The following PRH1 variants were observed in gnomAD, a reference collection of about 807,000 sequenced individuals.
PRH1 encodes the protein salivary acidic proline-rich phosphoprotein 1/2.
A neutral mutation model predicts 7.9 loss-of-function variants in PRH1; 7 were observed. That is an observed-to-expected ratio of 0.89 (90% confidence interval 0.50 to 1.67). The LOEUF (loss-of-function observed/expected upper bound fraction) is 1.67. Among genes scored for constraint, PRH1 ranks in the 40% most tolerant of loss-of-function variants. The pLI, the probability that PRH1 is intolerant of heterozygous loss-of-function variation, is 0.00. For missense variants in PRH1, 109 were observed against 223.6 expected (o/e 0.49, Z 3.27); for synonymous variants, 45 against 80.8 (o/e 0.56, Z 2.38).
At chr12:10,904,923 G>C (rs1359129849) in intron 2 of PRH1, among the ~76,000 whole-genome samples, 1 of 151,800 alleles carries the variant, frequency 6.6e-6, no homozygotes, top group Non-Finnish European at 1.5e-5. Context: ...TATTTTAAAA[G>C]GCTCAACATC....
At chr12:10,976,188 C>G (rs1445582105) in intron 1 of PRH1, among the ~76,000 whole-genome samples, 1 of 152,102 alleles carries the variant, frequency 6.6e-6, no homozygotes, top group African/African-American at 2.4e-5. Context: ...CAATTCCTAG[C>G]AAATACAAAA....
chr12:10,888,626 T>C (rs552816751), upstream of PRH1, among the ~76,000 whole-genome samples: 7 of 152,360 alleles, frequency 4.6e-5, no homozygotes, highest in South Asian at 1.4e-3. Flanking sequence ...GTTTTTTATT[T>C]ATACTACTTT....
At chr12:11,125,436 G>A (rs186708094) in intron 1 of PRH1, among the ~76,000 whole-genome samples, 22 of 152,382 alleles carry the variant, frequency 1.4e-4, no homozygotes, top group African/African-American at 4.6e-4. Flanking sequence ...TCTCTCTACT[G>A]CTTATTTACA....
intron 1 of PRH1, among the ~76,000 whole-genome samples, chr12:11,168,026 T>A (rs1251678341): frequency 6.6e-6 from 1 of 151,826 alleles, no homozygotes; most frequent in Non-Finnish European, 1.5e-5. Context: ...TAGATCTTAA[T>A]AATCTGACAA....
chr12:11,087,416 C>G (rs1339489859), intron 1 of PRH1, among the ~76,000 whole-genome samples: 1 of 116,714 alleles, frequency 8.6e-6, no homozygotes, highest in Non-Finnish European at 2.0e-5. Flanking sequence ...TTCTGAAGGT[C>G]AGATGCTACC....
chr12:10,888,295 T>C (rs1289670077), upstream of PRH1, among the ~76,000 whole-genome samples: 5 of 152,216 alleles, frequency 3.3e-5, no homozygotes, highest in African/African-American at 4.8e-5. Flanking sequence ...TGTAAGTTAA[T>C]ATATTCACTT....
intron 2 of PRH1, 83 bp downstream of exon 2, chr12:10,882,978 G>C: frequency 6.5e-7 from 1 of 1,538,176 alleles, no homozygotes; most frequent in Non-Finnish European, 9.0e-7. Flanking sequence ...ACAAGAAAAT[G>C]GTGATAAGAA....
chr12:11,001,241 G>C (rs1442161927), intron 1 of PRH1, among the ~76,000 whole-genome samples: 1 of 151,862 alleles, frequency 6.6e-6, no homozygotes, highest in East Asian at 1.9e-4. Flanking sequence ...GAGCTGTGCT[G>C]GATCTCAAGA....
chr12:11,073,109 C>A (rs1329314557), intron 1 of PRH1, among the ~76,000 whole-genome samples: 4 of 54,660 alleles, frequency 7.3e-5, no homozygotes, highest in African/African-American at 1.9e-4. Context: ...TCCTGGTCTA[C>A]ATGTCGAAAA....
chr12:10,898,462 T>C (rs546708907), intron 2 of PRH1, among the ~76,000 whole-genome samples: 7 of 152,296 alleles, frequency 4.6e-5, no homozygotes, highest in African/African-American at 1.2e-4. Flanking sequence ...AAATATTATA[T>C]GCTGAAAAAG....
upstream of PRH1, chr12:11,049,006 CA>C (rs1346714829): frequency 8.2e-6 from 2 of 244,498 alleles, no homozygotes; most frequent in Non-Finnish European, 1.7e-5. Flanking sequence ...ACATTAGAAC[CA>C]AAAATTCTTA....
At chr12:10,997,610 G>T in intron 1 of PRH1, 1 of 1,613,980 alleles carries the variant, frequency 6.2e-7, no homozygotes, top group Non-Finnish European at 8.5e-7. Flanking sequence ...ATTGGTTACT[G>T]CCCAGGCATT....
chr12:11,088,898 C>G lies in PRH1; in HGVS notation n.124-41710G>C, dbSNP rs1277860331. Among the ~76,000 whole-genome samples, 2 of 115,000 alleles carry G rather than the reference C, an allele frequency of 1.7e-5. 1 individual carries two copies. The highest frequency in any genetic ancestry group is 1.7e-4 in the Admixed American group (2 of 11,504). 75.4% of individuals were successfully genotyped at this position (115,000 alleles called of 152,430 possible). A position where few individuals can be genotyped will look rare whatever the true frequency, so the allele number is the denominator to read the frequency against. ...AGAGCAAATCCCTATGGAATTAGTG[C>G]AAGAACATTCCCTCTTCAGCAGAGG... On this transcript the variant is annotated intron_variant and non_coding_transcript_variant, in intron 1 of 4. Coordinates refer to the PRH1 transcript ENST00000541977.
At chr12:10,999,853 G>A (rs553656417) in intron 1 of PRH1, among the ~76,000 whole-genome samples, 47 of 152,118 alleles carry the variant, frequency 3.1e-4, no homozygotes, top group Admixed American at 9.8e-4. Context: ...TCTTGCACTA[G>A]ATATCATGTT....
At chr12:11,168,984 C>T (rs995403773) in intron 1 of PRH1, among the ~76,000 whole-genome samples, 4 of 152,170 alleles carry the variant, frequency 2.6e-5, no homozygotes, top group East Asian at 1.9e-4. Context: ...AGGAAACGTA[C>T]TTTTTTTCTA....
chr12:10,908,292 G>T, intron 2 of PRH1: 1 of 1,176,062 alleles, frequency 8.5e-7, no homozygotes, highest in Non-Finnish European at 1.2e-6. Flanking sequence ...ACCAGGGGAA[G>T]CATAAAATAT....
At chr12:11,146,920 G>A (rs976211667) in intron 1 of PRH1, among the ~76,000 whole-genome samples, 2 of 151,996 alleles carry the variant, frequency 1.3e-5, no homozygotes, top group African/African-American at 4.8e-5. Flanking sequence ...CCCTTTTGTT[G>A]TCTATTGCAT....
At chr12:10,999,464 G>A (rs964002305) in intron 1 of PRH1, among the ~76,000 whole-genome samples, 6 of 152,042 alleles carry the variant, frequency 3.9e-5, no homozygotes, top group Non-Finnish European at 7.4e-5. Context: ...GGTATATAAT[G>A]AGCAGAGCAA....
intron 1 of PRH1, among the ~76,000 whole-genome samples, chr12:11,083,580 A>T (rs1381511989): frequency 8.1e-6 from 1 of 123,872 alleles, no homozygotes; most frequent in Non-Finnish European, 1.8e-5. Context: ...CAGTAAAGAA[A>T]AAACTTATAG....
Sources: gnomAD v4.1 joint callset for allele counts (sites outside exome capture counted in the v4.1 genomes callset) on GRCh38, gnomAD v4.1.1 for gene constraint, MANE v1.5 for transcripts, NCBI Gene and HGNC (gene_info 2026-07-23, HGNC 2026-07-21) for gene names.